ADCY5: variants seen among roughly 807,000 people sequenced by gnomAD.
The protein encoded by ADCY5 is adenylate cyclase type 5.
A neutral mutation model predicts 119.7 loss-of-function variants in ADCY5; 30 were observed. That is an observed-to-expected ratio of 0.25 (90% CI 0.19 to 0.34). ADCY5 has a LOEUF of 0.34. Among genes scored for constraint, ADCY5 ranks in the 10% least tolerant of loss-of-function variants. The probability of loss-of-function intolerance (pLI) is 1.00; values close to 1 mark genes in which losing one functional copy is unlikely to be tolerated. For synonymous variants in ADCY5, 753 were observed against 762.2 expected (o/e 0.99, Z 0.20); for missense variants, 1,324 against 1,775.2 (o/e 0.75, Z 4.57).
chr3:123,379,507 C>T (rs1159136453), intron 1 of ADCY5, among the ~76,000 whole-genome samples: 1 of 152,198 alleles, frequency 6.6e-6, no homozygotes, highest in African/African-American at 2.4e-5. Flanking sequence ...GAGCAAGGAG[C>T]AGCGGGTTTG....
intron 1 of ADCY5, among the ~76,000 whole-genome samples, chr3:123,400,712 C>T (rs940276498): frequency 3.9e-5 from 6 of 152,114 alleles, no homozygotes; most frequent in Non-Finnish European, 7.4e-5. Flanking sequence ...TTTGGGAGGC[C>T]AAGGCAGGCG....
At chr3:123,355,277 T>A (rs570904733) in intron 1 of ADCY5, among the ~76,000 whole-genome samples, 3 of 152,214 alleles carry the variant, frequency 2.0e-5, no homozygotes, top group African/African-American at 4.8e-5. Context: ...AAGATCAATA[T>A]ACAAAAAGCA....
chr3:123,430,857 C>A (rs547910281), intron 1 of ADCY5, among the ~76,000 whole-genome samples: 2 of 152,296 alleles, frequency 1.3e-5, no homozygotes, highest in East Asian at 3.9e-4. Context: ...TCCCAGAGCC[C>A]GGACCTGCAG....
In ADCY5 at chr3:123,353,526, G is replaced by A. The variant is rs147994087; in HGVS notation, c.1135-945C>T. Among the ~76,000 whole-genome samples the A allele has an allele frequency of 3.5e-3, 538 of 152,232 alleles. 4 individuals are homozygous for A. Among genetic ancestry groups the A allele is most frequent in the Middle Eastern group, 0.01 (3 of 294 alleles). The stretch of plus-strand genomic sequence containing the variant: ...GATGCTCCGGCTCCTAGGCTGTGGG[G>A]GCTTTGAGCTGCACCTCAGTTACTC... On this transcript the variant is annotated intron_variant, in intron 1 of 20. Transcript: ENST00000462833.
intron 12 of ADCY5, among the ~76,000 whole-genome samples, chr3:123,312,317 T>C (rs1940633386): frequency 6.6e-6 from 1 of 152,252 alleles, no homozygotes; most frequent in South Asian, 2.1e-4. Flanking sequence ...AGAAATGTTC[T>C]CTTTGGGGTT....
At chr3:123,299,976 C>G (rs1305310842) in intron 15 of ADCY5, 144 bp downstream of exon 15, 4 of 885,370 alleles carry the variant, frequency 4.5e-6, no homozygotes, top group Non-Finnish European at 6.8e-6. Context: ...GAAACAAGGC[C>G]GTTTTCCAGA....
Position 123,289,952 on chromosome 3 carries a change from G to C in ADCY5, c.3330C>G (p.Ile1110Met). 2.5e-6 allele frequency: 4 copies of C among 1,614,096 alleles called. No individual in the cohort carries two copies. Among genetic ancestry groups the C allele is most frequent in the Non-Finnish European group, 3.4e-6 (4 of 1,179,986 alleles). ...LNEIIADFDE[I>M]ISEDRFRQLE... Reference sequence around the variant, plus strand: ...GCTGCCGGAACCGATCCTCGCTGATGATCTGGATGAAGGAGGCCAAACCTG... The same window carrying C: ...GCTGCCGGAACCGATCCTCGCTGATCATCTGGATGAAGGAGGCCAAACCTG... Residue 1110 changes from isoleucine to methionine, a missense_variant and splice_region_variant, in exon 19 of 21, where the codon ATC (isoleucine) becomes ATG (methionine). By Grantham distance (10) the Ile-to-Met change is conservative (BLOSUM62 1). Transcript: ENST00000462833.
intron 1 of ADCY5, among the ~76,000 whole-genome samples, chr3:123,421,250 A>G (rs1945297907): frequency 6.6e-6 from 1 of 152,196 alleles, no homozygotes; most frequent in South Asian, 2.1e-4. Flanking sequence ...ACCAGGTGCT[A>G]CACACTATTA....
At chr3:123,360,296 G>C (rs1195293910) in intron 1 of ADCY5, among the ~76,000 whole-genome samples, 2 of 152,040 alleles carry the variant, frequency 1.3e-5, no homozygotes, top group Non-Finnish European at 2.9e-5. Context: ...CTGCTCACTA[G>C]GGTCCTGCCC....
intron 20 of ADCY5, 119 bp from the exon 21 acceptor site, chr3:123,284,855 G>A (rs1938627977): frequency 7.2e-7 from 1 of 1,391,278 alleles, no homozygotes; most frequent in Non-Finnish European, 1.0e-6. Flanking sequence ...AGAAGGAGAG[G>A]GGCAGCTGCC....
At chr3:123,392,143 C>T (rs1418316294) in intron 1 of ADCY5, among the ~76,000 whole-genome samples, 1 of 152,176 alleles carries the variant, frequency 6.6e-6, no homozygotes, top group Non-Finnish European at 1.5e-5. Flanking sequence ...GTGGGGGAAG[C>T]AAGTTACACA....
chr3:123,349,881 C>T (rs1365810350), intron 2 of ADCY5, among the ~76,000 whole-genome samples: 2 of 152,240 alleles, frequency 1.3e-5, no homozygotes, highest in African/African-American at 4.8e-5. Context: ...CAAGCAACTG[C>T]TTTTCCTAAA....
At chr3:123,296,253 G>A (rs779701154) in intron 16 of ADCY5, 37 bp from the exon 17 acceptor site, 1 of 1,602,310 alleles carries the variant, frequency 6.2e-7, no homozygotes, top group Non-Finnish European at 8.5e-7. Flanking sequence ...AGACGGCCGT[G>A]GCTCCTCACA....
At chr3:123,337,170 T>G (rs1942064001) in intron 3 of ADCY5, among the ~76,000 whole-genome samples, 2 of 152,234 alleles carry the variant, frequency 1.3e-5, no homozygotes, top group Non-Finnish European at 2.9e-5. Context: ...TTACTGTTGT[T>G]TATTATTATG....
At position 123,320,716 on chromosome 3, in the gene ADCY5, G is replaced by C. The variant is rs372352309; in HGVS notation, c.2111+33C>G. The C allele has an allele frequency of 1.3e-3, 2,075 of 1,611,616 alleles. 1 individual carries two copies. Among genetic ancestry groups the C allele is most frequent in the Non-Finnish European group, 1.6e-3 (1,934 of 1,177,856 alleles). ...GATTGGGAGATATCCCCCAGACCCA[G>C]GGAGCAGGAATAAGGAAGGGCATAT... On this transcript the variant is annotated intron_variant, in intron 9 of 20. Coordinates refer to ENST00000462833, the MANE Select transcript of ADCY5 (RefSeq NM_183357.3).
At chr3:123,334,540 C>A (rs958512184) in intron 3 of ADCY5, among the ~76,000 whole-genome samples, 14 of 152,206 alleles carry the variant, frequency 9.2e-5, no homozygotes, top group Non-Finnish European at 1.5e-4. Context: ...GTGTTCGAGC[C>A]CAGCCTGGCC....
rs550860704 is a variant in ADCY5 at position 123,336,347 on chromosome 3, A to G, written c.1407-3672T>C. ...CTTCTTCATCTCTCAGGAAATCAAA[A>G]CCAAGGGAAGCTGGGGTCCAGACTG... On this transcript the variant is annotated intron_variant, in intron 3 of 20. Coordinates refer to ENST00000462833, the MANE Select transcript of ADCY5 (RefSeq NM_183357.3). Among the ~76,000 whole-genome samples the G allele has an allele frequency of 2.6e-5, 4 of 152,308 alleles. No homozygotes were observed. In the East Asian group the frequency reaches 5.8e-4, roughly 22 times the overall value.
At chr3:123,361,490 A>ACC in intron 1 of ADCY5, among the ~76,000 whole-genome samples, 1 of 71,090 alleles carries the variant, frequency 1.4e-5, no homozygotes, top group East Asian at 4.0e-4. Context: ...TCCCCACCCC[A>ACC]CCCTCCCCCA....
chr3:123,403,711 G>A (rs996865961), intron 1 of ADCY5, among the ~76,000 whole-genome samples: 1 of 152,226 alleles, frequency 6.6e-6, no homozygotes, highest in Non-Finnish European at 1.5e-5. Context: ...GGTCCCTGCT[G>A]TCTAGGAAAT....
Sources: gnomAD v4.1 joint callset for allele counts (sites outside exome capture counted in the v4.1 genomes callset) on GRCh38, gnomAD v4.1.1 for gene constraint, MANE v1.5 for transcripts, NCBI Gene and HGNC (gene_info 2026-07-23, HGNC 2026-07-21) for gene names.